The following GPHN variants were observed in gnomAD, a reference collection of about 807,000 sequenced individuals.
GPHN encodes the protein gephyrin.
In GPHN, 17 loss-of-function variants were observed where a neutral mutation model predicts 95.5. The observed-to-expected ratio is 0.18, with a 90% confidence interval of 0.12 to 0.27. The LOEUF is 0.27. GPHN is among the 10% of genes least tolerant of loss of function. GPHN has a pLI of 1.00. For missense variants in GPHN, 660 were observed against 978.1 expected (o/e 0.67, Z 4.34); for synonymous variants, 320 against 322.5 (o/e 0.99, Z 0.08).
intron 16 of GPHN, among the ~76,000 whole-genome samples, chr14:67,115,660 G>A (rs1212748610): frequency 6.6e-6 from 1 of 152,078 alleles, no homozygotes; most frequent in African/African-American, 2.4e-5. Flanking sequence ...GCTTGAACCC[G>A]GGAGGCGGAG....
chr14:66,808,595 T>C (rs755134812), intron 3 of GPHN, among the ~76,000 whole-genome samples: 11 of 152,286 alleles, frequency 7.2e-5, no homozygotes, highest in Middle Eastern at 3.4e-3. Context: ...TCAGGAGTTT[T>C]AGACCAGCCT....
intron 2 of GPHN, among the ~76,000 whole-genome samples, chr14:66,705,534 C>G (rs529866096): frequency 6.6e-6 from 1 of 152,210 alleles, no homozygotes; most frequent in African/African-American, 2.4e-5. Context: ...TGAATGTAAC[C>G]CATCACATAA....
chr14:66,758,374 G>C (rs974815574), intron 2 of GPHN, among the ~76,000 whole-genome samples: 17 of 152,156 alleles, frequency 1.1e-4, no homozygotes, highest in Admixed American at 5.2e-4. Context: ...ACTGCCATTA[G>C]AATAGGAATG....
At chr14:67,052,155 C>G (rs1449715984) in intron 10 of GPHN, among the ~76,000 whole-genome samples, 2 of 152,074 alleles carry the variant, frequency 1.3e-5, no homozygotes, top group East Asian at 3.9e-4. Context: ...TTGAAAGACA[C>G]AGAATGGCAA....
the GPHN span, among the ~76,000 whole-genome samples, chr14:67,646,239 A>G: frequency 1.3e-5 from 2 of 152,222 alleles, no homozygotes; most frequent in Non-Finnish European, 2.9e-5. Flanking sequence ...GGACACTACA[A>G]AGATTATTCA....
intron 2 of GPHN, among the ~76,000 whole-genome samples, chr14:66,713,042 G>GAT (rs982409253): frequency 1.1e-4 from 16 of 151,822 alleles, no homozygotes; most frequent in African/African-American, 3.6e-4. Flanking sequence ...GTATATTTTG[G>GAT]ATATATATTA....
the GPHN span, among the ~76,000 whole-genome samples, chr14:67,426,827 G>C: frequency 7.9e-5 from 12 of 152,256 alleles, no homozygotes; most frequent in Admixed American, 5.2e-4. Flanking sequence ...CACTCAGCTC[G>C]GCCTTGCAAA....
At chr14:66,528,929 C>T (rs7157962) in intron 1 of GPHN, among the ~76,000 whole-genome samples, 39,003 of 152,022 alleles carry the variant, frequency 0.26, 9,826 homozygotes, top group African/African-American at 0.62. Flanking sequence ...GTGAATCTGT[C>T]GATTATGTGT....
intron 18 of GPHN, among the ~76,000 whole-genome samples, chr14:67,147,906 C>T (rs1408448034): frequency 1.3e-5 from 2 of 152,174 alleles, no homozygotes; most frequent in East Asian, 3.8e-4. Flanking sequence ...TAATTATTCC[C>T]AGCATTTCTT....
chr14:67,612,237 G>C, the GPHN span, among the ~76,000 whole-genome samples: 11 of 152,290 alleles, frequency 7.2e-5, no homozygotes, highest in South Asian at 2.3e-3. Context: ...AGGGGTTGGG[G>C]ACCCCTGCTC....
intron 2 of GPHN, among the ~76,000 whole-genome samples, chr14:66,693,548 G>T (rs923935498): frequency 1.5e-5 from 2 of 133,826 alleles, no homozygotes; most frequent in Non-Finnish European, 3.0e-5. Flanking sequence ...CTGGAATTCT[G>T]ATGTCTTAGG....
At chr14:67,016,433 C>G (rs956599556) in intron 9 of GPHN, among the ~76,000 whole-genome samples, 7 of 151,828 alleles carry the variant, frequency 4.6e-5, no homozygotes, top group African/African-American at 1.5e-4. Context: ...ATATTTATAA[C>G]CATTGAAGTA....
intron 9 of GPHN, among the ~76,000 whole-genome samples, chr14:67,022,573 G>A (rs1412806880): frequency 1.9e-3 from 189 of 97,174 alleles, no homozygotes; most frequent in Non-Finnish European, 3.5e-3. Context: ...TTTTTGGTGT[G>A]TGTGTGTGTG....
Position 67,058,546 on chromosome 14 carries a change from A to C in GPHN, c.1007-103A>C, listed in dbSNP as rs193278294. The C allele has an allele frequency of 6.4e-4, 636 of 997,442 alleles. 2 individuals carry two copies. Among genetic ancestry groups the C allele is most frequent in the Non-Finnish European group, 9.2e-4 (571 of 622,666 alleles). 61.8% of individuals were successfully genotyped at this position (997,442 alleles called of 1,614,324 possible). A position where few individuals can be genotyped will look rare whatever the true frequency, so the allele number is the denominator to read the frequency against. On this transcript the variant is annotated intron_variant, in intron 10 of 22. Coordinates refer to ENST00000478722, the MANE Select transcript of GPHN (RefSeq NM_020806.5). ...AACAGTTTCTTACCTGCTAATCTTC[A>C]TCTGGGGACATTTGAAATTGGGAGT...
chr14:67,100,892 A>G lies in GPHN; in HGVS notation c.1274A>G (p.Glu425Gly). 2 of 1,604,198 alleles carry G rather than the reference A, an allele frequency of 1.2e-6. No homozygotes were observed. The highest frequency in any genetic ancestry group is 1.7e-6 in the Non-Finnish European group (2 of 1,170,928). The change falls in exon 13 of 23, where the codon GAA becomes GGA. Residue 425 changes from glutamate to glycine, a missense_variant. By Grantham distance (98) the Glu-to-Gly change is moderately conservative. Transcript: ENST00000478722. ...CCAGGAGATCGTTTCATCATTGGGG[A>G]ATCCCAAGCTGGTGAACAGGTGAGA... The part of the protein sequence containing the change: ...DGPGDRFIIG[E>G]SQAGEQPTQT...
intron 2 of GPHN, among the ~76,000 whole-genome samples, chr14:66,702,735 C>T (rs1254003261): frequency 6.6e-6 from 1 of 152,066 alleles, no homozygotes; most frequent in Non-Finnish European, 1.5e-5. Flanking sequence ...CCCAAAAGGC[C>T]AGAGTGCATC....
chr14:67,666,736 G>A, the GPHN span, among the ~76,000 whole-genome samples: 11 of 152,276 alleles, frequency 7.2e-5, no homozygotes, highest in African/African-American at 2.6e-4. Context: ...GAGAAACTGA[G>A]TGCCTGCCCC....
chr14:67,103,501 G>C (rs976205034), intron 13 of GPHN, among the ~76,000 whole-genome samples: 2 of 68,730 alleles, frequency 2.9e-5, no homozygotes, highest in Admixed American at 1.4e-4. Context: ...ATGGGATGCT[G>C]TTTCTTTCTC....
chr14:66,812,688 G>A (rs751535741), intron 3 of GPHN, among the ~76,000 whole-genome samples: 1 of 152,186 alleles, frequency 6.6e-6, no homozygotes, highest in Non-Finnish European at 1.5e-5. Flanking sequence ...ACCTGAGCCA[G>A]TGAAATCATT....
Sources: allele counts gnomAD v4.1 joint callset (sites outside exome capture counted in the v4.1 genomes callset), GRCh38; gene constraint gnomAD v4.1.1; transcripts MANE v1.5; gene names NCBI Gene and HGNC (gene_info 2026-07-23, HGNC 2026-07-21).